Variants in LRP1B observed in about 807,000 individuals in gnomAD.
LRP1B encodes low-density lipoprotein receptor-related protein 1B.
LRP1B carries 217 observed loss-of-function variants against 556.6 expected under a neutral mutation model. That is an observed-to-expected ratio of 0.39 (90% CI 0.35 to 0.44). The LOEUF (loss-of-function observed/expected upper bound fraction) is 0.44, where lower values mean the gene tolerates loss of function less well. Ranked by LOEUF, LRP1B falls within the 20% of genes least tolerant of loss-of-function variation. The probability of loss-of-function intolerance (pLI) is 1.00; values close to 1 mark genes in which losing one functional copy is unlikely to be tolerated. For missense variants in LRP1B, 5,053 were observed against 5,620.8 expected, an observed-to-expected ratio of 0.90 and a Z score of 3.23; for synonymous variants, 2,047 against 1,865.8, an observed-to-expected ratio of 1.10 and a Z score of -2.50.
At chr2:140,959,461 G>T (rs1301838624) in intron 18 of LRP1B, among the ~76,000 whole-genome samples, 1 of 151,324 alleles carries the variant, frequency 6.6e-6, no homozygotes, top group African/African-American at 2.4e-5. Context: ...ATTCTCCCTG[G>T]CAATTAAAAT....
At chr2:141,559,084 T>C (rs1052946084) in intron 2 of LRP1B, among the ~76,000 whole-genome samples, 1 of 151,698 alleles carries the variant, frequency 6.6e-6, no homozygotes, top group African/African-American at 2.4e-5. Flanking sequence ...ATTGTTTTGG[T>C]ACACTATTTT....
intron 7 of LRP1B, among the ~76,000 whole-genome samples, chr2:141,174,754 A>T (rs1269159403): frequency 6.6e-6 from 1 of 152,126 alleles, no homozygotes; most frequent in Non-Finnish European, 1.5e-5. Flanking sequence ...AAAATGTGAA[A>T]GCAACTTTGA....
intron 1 of LRP1B, among the ~76,000 whole-genome samples, chr2:142,056,240 T>C (rs760255393): frequency 7.2e-5 from 11 of 152,184 alleles, no homozygotes; most frequent in Non-Finnish European, 1.3e-4. Context: ...TTGGACTTGC[T>C]GTTTTTGTTG....
chr2:141,734,769 T>C (rs967715133), intron 2 of LRP1B, among the ~76,000 whole-genome samples: 1 of 152,066 alleles, frequency 6.6e-6, no homozygotes, highest in Non-Finnish European at 1.5e-5. Context: ...GGCCTTAGAA[T>C]TGCACAAACA....
chr2:141,546,990 G>T (rs548063117), intron 2 of LRP1B, among the ~76,000 whole-genome samples: 2 of 152,216 alleles, frequency 1.3e-5, no homozygotes, highest in Admixed American at 6.5e-5. Flanking sequence ...CAAAGTTCCA[G>T]CATCCCTTTT....
At chr2:141,204,552 A>G (rs1682187576) in intron 6 of LRP1B, among the ~76,000 whole-genome samples, 1 of 152,354 alleles carries the variant, frequency 6.6e-6, no homozygotes, top group East Asian at 1.9e-4. Flanking sequence ...AGATGTGTAT[A>G]CCAAGAAAGA....
rs1057176285 is a variant in LRP1B, at chr2:140,591,593, G to A, written c.7194+7038C>T. 3.0e-4 allele frequency among the ~76,000 whole-genome samples: 45 copies of A among 152,118 alleles called. 1 individual carries two copies. The highest frequency in any genetic ancestry group is 1.2e-3 in the Admixed American group (18 of 15,258). ...GGCAGCATTTTTGCTTAATAGGAGT[G>A]GGGTAAGGTGGGGATGATAGCTATA... On this transcript the variant is annotated intron_variant, in intron 43 of 90. Transcript: ENST00000389484.
In LRP1B at chr2:140,334,464, T is replaced by C. The variant is rs1680969207; in HGVS notation, c.12212A>G (p.Gln4071Arg). ...GTCAGAAATCATACCTGTGGGTCTC[T>C]GTAAGTTCTTTTGTACTAAAATCCT... ...LRRILVQKNLQRPTGLAVDYF... is the reference protein window; with the variant it reads ...LRRILVQKNLRRPTGLAVDYF... Residue 4071 changes from glutamine to arginine, a missense_variant, in exon 79 of 91, where the codon CAG becomes CGG. By Grantham distance (43) the Gln-to-Arg change is conservative. Transcript: ENST00000389484. 2 of 1,605,040 alleles carry C rather than the reference T, an allele frequency of 1.2e-6. No individual in the cohort carries two copies. The highest frequency in any genetic ancestry group is 2.7e-5 in the African/African-American group (2 of 74,644).
intron 32 of LRP1B, among the ~76,000 whole-genome samples, chr2:140,813,419 C>T (rs1435724963): frequency 6.6e-6 from 1 of 152,106 alleles, no homozygotes; most frequent in African/African-American, 2.4e-5. Flanking sequence ...CATAGTAAGC[C>T]AAGAATCAGT....
chr2:140,903,053 T>C lies in LRP1B; in HGVS notation c.3633A>G (p.Thr1211=), dbSNP rs1401951537. The change falls in exon 23 of 91, where the codon ACA becomes ACG. Residue 1211 remains threonine, a synonymous_variant. Transcript: ENST00000389484. ...TGCTACAATAATCCACAATTTCACA[T>C]GTTTTATTGTCTTTGTTGAGTTGAA... ...EGLQLNKDNK[T]CEIVDYCSNH... is the part of the protein sequence containing the mutation. 7.4e-6 allele frequency: 12 copies of C among 1,613,726 alleles called. No homozygotes were observed. Among genetic ancestry groups the C allele is most frequent in the Non-Finnish European group, 1.0e-5 (12 of 1,179,764 alleles).
intron 25 of LRP1B, among the ~76,000 whole-genome samples, chr2:140,882,192 C>A (rs1693496697): frequency 6.6e-6 from 1 of 152,076 alleles, no homozygotes; most frequent in Admixed American, 6.6e-5. Flanking sequence ...TAGGTAAAAC[C>A]CTTACATCAG....
intron 43 of LRP1B, 75 bp downstream of exon 43, chr2:140,598,556 T>C (rs114367995): frequency 0.054 from 59,924 of 1,113,460 alleles, 2,011 homozygotes; most frequent in Middle Eastern, 0.083. Flanking sequence ...ATGTACATTT[T>C]AGGAGAGTAT....
chr2:140,821,793 G>A (rs1374290565), intron 31 of LRP1B, among the ~76,000 whole-genome samples: 1 of 152,182 alleles, frequency 6.6e-6, no homozygotes, highest in Non-Finnish European at 1.5e-5. Context: ...CCAGCACTTT[G>A]TGAGGCTGAG....
intron 49 of LRP1B, among the ~76,000 whole-genome samples, chr2:140,517,533 A>G (rs1271657103): frequency 1.3e-5 from 2 of 152,084 alleles, no homozygotes; most frequent in East Asian, 1.9e-4. Context: ...CTGTATTTTA[A>G]GGAAGAATAA....
At chr2:140,381,392 A>C (rs1683479817) in intron 67 of LRP1B, among the ~76,000 whole-genome samples, 1 of 152,122 alleles carries the variant, frequency 6.6e-6, no homozygotes, top group South Asian at 2.1e-4. Context: ...ATTCATGCTA[A>C]TTTTCTCTGA....
chr2:141,830,130 C>G (rs1697065179), intron 1 of LRP1B, among the ~76,000 whole-genome samples: 1 of 151,830 alleles, frequency 6.6e-6, no homozygotes, highest in Admixed American at 6.6e-5. Context: ...ATATTATATG[C>G]TTAATTGATA....
At chr2:141,501,135 C>A (rs1208368143) in intron 2 of LRP1B, among the ~76,000 whole-genome samples, 4 of 151,968 alleles carry the variant, frequency 2.6e-5, no homozygotes, top group African/African-American at 9.7e-5. Context: ...TCACTTTGTG[C>A]CTTTATTTAT....
chr2:141,698,734 CG>C (rs764701972), intron 2 of LRP1B, among the ~76,000 whole-genome samples: 2 of 146,802 alleles, frequency 1.4e-5, no homozygotes, highest in Non-Finnish European at 3.0e-5. Flanking sequence ...AATTTCAGAA[CG>C]GAAAAAAAAA....
At chr2:140,442,326 T>A (rs975681228) in intron 66 of LRP1B, among the ~76,000 whole-genome samples, 178 bp downstream of exon 66, 3 of 152,228 alleles carry the variant, frequency 2.0e-5, no homozygotes, top group African/African-American at 7.2e-5. Flanking sequence ...ATCTTATCAC[T>A]CCAGGCTTCT....
Sources: allele counts gnomAD v4.1 joint callset (sites outside exome capture counted in the v4.1 genomes callset), GRCh38; gene constraint gnomAD v4.1.1; transcripts MANE v1.5; gene names NCBI Gene and HGNC (gene_info 2026-07-23, HGNC 2026-07-21).